Variants in EMID1 observed in about 807,000 individuals in gnomAD.
EMID1 encodes the protein EMI domain containing 1, also known as EMI domain-containing protein 1.
EMID1 carries 40 observed loss-of-function variants against 60.6 expected under a neutral mutation model. The observed-to-expected ratio is 0.66, with a 90% CI of 0.51 to 0.86. The LOEUF (loss-of-function observed/expected upper bound fraction) is 0.86. Ranked by LOEUF, EMID1 falls within the 40% of genes least tolerant of loss-of-function variation. The pLI is 0.00. For missense variants in EMID1, 585 were observed against 597.1 expected, an observed-to-expected ratio of 0.98 and a Z score of 0.21; for synonymous variants, 242 against 231.0, an observed-to-expected ratio of 1.05 and a Z score of -0.43.
rs569016012 is a variant in EMID1, at chr22:29,231,003, C to T, written c.466-17C>T. The T allele has an allele frequency of 6.2e-7, 1 of 1,608,710 alleles. No individual in the cohort carries two copies. Among genetic ancestry groups the T allele is most frequent in the African/African-American group, 1.3e-5 (1 of 74,858 alleles). On this transcript the variant is annotated splice_polypyrimidine_tract_variant and intron_variant, in intron 5 of 14. Transcript: ENST00000334018. ...GTGAGACCCTGGTACCCACCCCGTC[C>T]CTGTCTTCCTCTTCAGATGACCATG...
At chr22:29,210,120 A>G (rs2039824334) in intron 1 of EMID1, among the ~76,000 whole-genome samples, 1 of 151,494 alleles carries the variant, frequency 6.6e-6, no homozygotes, top group South Asian at 2.1e-4. Flanking sequence ...CTAAACCTGA[A>G]CTCCACATGG....
intron 5 of EMID1, among the ~76,000 whole-genome samples, chr22:29,229,828 A>G (rs1382055241): frequency 6.6e-6 from 1 of 152,230 alleles, no homozygotes; most frequent in Admixed American, 6.5e-5. Context: ...TTCCTGGTTC[A>G]GGATCTGCCA....
Position 29,231,700 on chromosome 22 carries a change from T to G in EMID1, c.676+18T>G. The stretch of plus-strand genomic sequence containing the variant: ...CCCACCAGGTGAGTGCCCGCAATGC[T>G]GCCCCACAGCTCCTCTGGCCATCCC... On this transcript the variant is annotated intron_variant, in intron 7 of 14. Coordinates refer to ENST00000334018, the MANE Select transcript of EMID1 (RefSeq NM_133455.4). 1 of 1,445,442 alleles carries G rather than the reference T, an allele frequency of 6.9e-7. No individual in the cohort carries two copies. Among genetic ancestry groups the G allele is most frequent in the East Asian group, 2.5e-5 (1 of 39,244 alleles). 89.5% of individuals were successfully genotyped at this position (1,445,442 alleles called of 1,614,324 possible).
intron 13 of EMID1, among the ~76,000 whole-genome samples, chr22:29,252,325 T>A (rs1054695706): frequency 6.6e-6 from 1 of 152,178 alleles, no homozygotes; most frequent in Non-Finnish European, 1.5e-5. Context: ...ACCTCTTAGT[T>A]GTTTAGATGG....
intron 1 of EMID1, among the ~76,000 whole-genome samples, chr22:29,211,946 C>A (rs934061252): frequency 1.3e-5 from 2 of 152,230 alleles, no homozygotes; most frequent in African/African-American, 4.8e-5. Flanking sequence ...CTTATGCCCC[C>A]ACTCTCCATA....
intron 3 of EMID1, among the ~76,000 whole-genome samples, chr22:29,224,304 T>A (rs2040413824): frequency 6.6e-6 from 1 of 152,224 alleles, no homozygotes; most frequent in African/African-American, 2.4e-5. Flanking sequence ...TTTCGTGGCC[T>A]TAAAAGGAAG....
At chr22:29,237,565 G>A (rs1213278160) in intron 12 of EMID1, among the ~76,000 whole-genome samples, 2 of 143,720 alleles carry the variant, frequency 1.4e-5, no homozygotes, top group Non-Finnish European at 3.0e-5. Flanking sequence ...TTGGGAGGCC[G>A]AGGTGGGCAG....
chr22:29,234,952 G>A (rs925269926), intron 12 of EMID1, among the ~76,000 whole-genome samples: 8 of 151,900 alleles, frequency 5.3e-5, no homozygotes, highest in East Asian at 1.9e-4. Context: ...GTGGGAGGCC[G>A]AGGAAGGTGG....
At chr22:29,250,335 T>C (rs905191744) in intron 13 of EMID1, among the ~76,000 whole-genome samples, 6 of 152,242 alleles carry the variant, frequency 3.9e-5, no homozygotes, top group African/African-American at 1.4e-4. Flanking sequence ...TTGTCTCTTT[T>C]AACTTAGAAC....
At chr22:29,233,828 T>C (rs1601980233) in intron 10 of EMID1, 162 bp downstream of exon 10, 1 of 738,188 alleles carries the variant, frequency 1.4e-6, no homozygotes, top group Non-Finnish European at 2.2e-6. Context: ...GCACTTAATA[T>C]GCAAACTACC....
intron 13 of EMID1, among the ~76,000 whole-genome samples, chr22:29,250,590 A>G (rs1045396767): frequency 4.0e-5 from 6 of 151,214 alleles, no homozygotes; most frequent in Non-Finnish European, 1.5e-5. Flanking sequence ...AATTTGAGAC[A>G]GAGTCTTGCT....
rs573242671 is a variant in EMID1, at chr22:29,231,441, T to A, written c.587-152T>A. On this transcript the variant is annotated intron_variant, in intron 6 of 14. Transcript: ENST00000334018. ...CCCAGCAGGGACACTGACCTCTGCCTACCCCCCCCACCCCAGGGCTGCCAG... is the reference window on the plus strand; with the variant it reads ...CCCAGCAGGGACACTGACCTCTGCCAACCCCCCCCACCCCAGGGCTGCCAG... 25 of 884,118 alleles carry A rather than the reference T, an allele frequency of 2.8e-5. No individual in the cohort carries two copies. The African/African-American group carries it at 4.3e-4, about 15-fold the overall frequency. 54.8% of individuals were successfully genotyped at this position (884,118 alleles called of 1,614,324 possible).
chr22:29,232,037 G>A, intron 7 of EMID1: 1 of 605,362 alleles, frequency 1.7e-6, no homozygotes, highest in Non-Finnish European at 2.9e-6. Context: ...AGGGGTTTTG[G>A]GGGTTTGGGA....
At chr22:29,212,774 A>G (rs1033020028) in intron 1 of EMID1, among the ~76,000 whole-genome samples, 4 of 152,188 alleles carry the variant, frequency 2.6e-5, no homozygotes, top group African/African-American at 9.7e-5. Flanking sequence ...CATGTTGCCC[A>G]GGCTGGTCTC....
chr22:29,235,177 G>A (rs760895042), intron 12 of EMID1, among the ~76,000 whole-genome samples: 4 of 151,920 alleles, frequency 2.6e-5, no homozygotes, highest in Non-Finnish European at 4.4e-5. Context: ...GTGAAACCCC[G>A]TCTCTACTAA....
At chr22:29,232,713 C>T in intron 8 of EMID1, 1 of 316,574 alleles carries the variant, frequency 3.2e-6, no homozygotes, top group Non-Finnish European at 5.8e-6. Context: ...TTGGAACTGG[C>T]TGGAATCCAG....
intron 13 of EMID1, among the ~76,000 whole-genome samples, chr22:29,253,710 C>T (rs1413160498): frequency 6.6e-6 from 1 of 152,188 alleles, no homozygotes; most frequent in African/African-American, 2.4e-5. Flanking sequence ...TGGTAAGTAG[C>T]CTGAACTCAC....
intron 12 of EMID1, among the ~76,000 whole-genome samples, chr22:29,243,105 G>A (rs1428582876): frequency 6.6e-6 from 1 of 151,496 alleles, no homozygotes; most frequent in Non-Finnish European, 1.5e-5. Context: ...CTCAACCTCT[G>A]ATTCCTGAGG....
intron 13 of EMID1, among the ~76,000 whole-genome samples, chr22:29,249,718 G>A (rs756875326): frequency 4.7e-4 from 71 of 151,794 alleles, no homozygotes; most frequent in Non-Finnish European, 8.4e-4. Flanking sequence ...GGGTTTAAGC[G>A]ATTCTTCTGT....
Sources: allele counts gnomAD v4.1 joint callset (sites outside exome capture counted in the v4.1 genomes callset), GRCh38; gene constraint gnomAD v4.1.1; transcripts MANE v1.5; gene names NCBI Gene and HGNC (gene_info 2026-07-23, HGNC 2026-07-21).